Variants in SORCS3 observed in about 807,000 individuals in gnomAD.
SORCS3 encodes sortilin related VPS10 domain containing receptor 3.
A neutral mutation model predicts 146.3 loss-of-function variants in SORCS3; 57 were observed. The observed-to-expected ratio is 0.39, with a 90% CI of 0.31 to 0.49. SORCS3 has a LOEUF of 0.49. Ranked by LOEUF, SORCS3 falls within the 20% of genes least tolerant of loss-of-function variation. The pLI is 0.92. For synonymous variants in SORCS3, 653 were observed against 618.5 expected (o/e 1.06, Z -0.83); for missense variants, 1,341 against 1,575.5 (o/e 0.85, Z 2.52).
intron 1 of SORCS3, among the ~76,000 whole-genome samples, chr10:104,690,902 A>G (rs2016103885): frequency 6.6e-6 from 1 of 152,306 alleles, no homozygotes; most frequent in Admixed American, 6.5e-5. Context: ...TTGGATACAG[A>G]TTTTACAAAG....
chr10:105,115,706 A>G (rs542948734), intron 7 of SORCS3, among the ~76,000 whole-genome samples: 110 of 152,334 alleles, frequency 7.2e-4, no homozygotes, highest in Non-Finnish European at 1.1e-3. Context: ...CATGGAAGGT[A>G]GACAAGCCTC....
chr10:105,092,605 A>C (rs1421896980), intron 6 of SORCS3, among the ~76,000 whole-genome samples: 1 of 120,764 alleles, frequency 8.3e-6, no homozygotes, highest in Non-Finnish European at 1.8e-5. Context: ...TTGTGCATTC[A>C]CAAACACACA....
intron 7 of SORCS3, among the ~76,000 whole-genome samples, chr10:105,122,813 A>G (rs1330667141): frequency 6.6e-6 from 1 of 152,200 alleles, no homozygotes; most frequent in Non-Finnish European, 1.5e-5. Flanking sequence ...TTTTCATAGC[A>G]GCTAATTTAC....
intron 1 of SORCS3, among the ~76,000 whole-genome samples, chr10:104,807,354 T>C (rs545311237): frequency 6.6e-6 from 1 of 152,344 alleles, no homozygotes; most frequent in East Asian, 1.9e-4. Context: ...GAGGAATTCA[T>C]GAACACCCAG....
intron 2 of SORCS3, among the ~76,000 whole-genome samples, chr10:104,887,060 C>G (rs532540594): frequency 2.0e-4 from 31 of 152,170 alleles, no homozygotes; most frequent in Non-Finnish European, 3.7e-4. Context: ...GAAAATAATT[C>G]ATTGTAGAGT....
At chr10:104,658,527 G>C (rs1202958615) in intron 1 of SORCS3, among the ~76,000 whole-genome samples, 1 of 152,200 alleles carries the variant, frequency 6.6e-6, no homozygotes, top group Non-Finnish European at 1.5e-5. Context: ...GTTTGTATTT[G>C]TATTTTTAGT....
At chr10:105,103,819 C>T (rs1004527325) in intron 6 of SORCS3, among the ~76,000 whole-genome samples, 1 of 152,180 alleles carries the variant, frequency 6.6e-6, no homozygotes, top group Admixed American at 6.5e-5. Flanking sequence ...ATACATTTCC[C>T]ATTAAAATAT....
At chr10:104,880,659 G>A (rs551638324) in intron 2 of SORCS3, among the ~76,000 whole-genome samples, 17 of 152,206 alleles carry the variant, frequency 1.1e-4, no homozygotes, top group African/African-American at 3.4e-4. Flanking sequence ...GCCCTCCCCC[G>A]TCTGCTGGAG....
intron 1 of SORCS3, among the ~76,000 whole-genome samples, chr10:104,826,815 G>A (rs2017940449): frequency 6.6e-6 from 1 of 152,190 alleles, no homozygotes; most frequent in Non-Finnish European, 1.5e-5. Flanking sequence ...TTTACCCACA[G>A]TAAACTTCTT....
At chr10:104,951,225 A>G (rs1049618291) in intron 3 of SORCS3, among the ~76,000 whole-genome samples, 1 of 152,194 alleles carries the variant, frequency 6.6e-6, no homozygotes, top group African/African-American at 2.4e-5. Context: ...TTTCTTCTCT[A>G]TTAGACTGTA....
intron 14 of SORCS3, among the ~76,000 whole-genome samples, chr10:105,191,839 T>C (rs2056518896): frequency 6.6e-6 from 1 of 152,198 alleles, no homozygotes; most frequent in African/African-American, 2.4e-5. Context: ...GTTCAGGCAG[T>C]AATGCTCGCT....
chr10:104,930,633 T>A (rs1035134706), intron 3 of SORCS3, among the ~76,000 whole-genome samples: 1 of 152,210 alleles, frequency 6.6e-6, no homozygotes, highest in African/African-American at 2.4e-5. Context: ...TAGTGTTCAA[T>A]AATTCATAAG....
intron 7 of SORCS3, among the ~76,000 whole-genome samples, chr10:105,112,802 C>T (rs1247026575): frequency 6.6e-6 from 1 of 152,152 alleles, no homozygotes; most frequent in East Asian, 1.9e-4. Flanking sequence ...ACTATTTAAG[C>T]AGTTAAATAA....
At chr10:105,120,148 A>G (rs1399735744) in intron 7 of SORCS3, among the ~76,000 whole-genome samples, 1 of 152,116 alleles carries the variant, frequency 6.6e-6, no homozygotes, top group East Asian at 1.9e-4. Context: ...GTGAGTTCTC[A>G]CAAGATCTGA....
chr10:104,952,202 C>T (rs1206631959), intron 3 of SORCS3, among the ~76,000 whole-genome samples: 2 of 126,004 alleles, frequency 1.6e-5, no homozygotes, highest in African/African-American at 5.7e-5. Flanking sequence ...TTGTCGGACC[C>T]AAATCTGTGG....
At chr10:104,986,728 G>A (rs2054964212) in intron 4 of SORCS3, among the ~76,000 whole-genome samples, 1 of 152,180 alleles carries the variant, frequency 6.6e-6, no homozygotes, top group African/African-American at 2.4e-5. Flanking sequence ...GACAGGGAGA[G>A]AGATAGGAGA....
chr10:104,979,672 A>G (rs1377193500), intron 4 of SORCS3, among the ~76,000 whole-genome samples: 2 of 152,152 alleles, frequency 1.3e-5, no homozygotes, highest in Non-Finnish European at 2.9e-5. Context: ...GGTGGGTGCC[A>G]GGTGCTTAAT....
At chr10:105,242,255 C>T (rs2056828071) in intron 20 of SORCS3, among the ~76,000 whole-genome samples, 1 of 137,168 alleles carries the variant, frequency 7.3e-6, no homozygotes, top group Admixed American at 7.9e-5. Context: ...TATATTTATA[C>T]ATATATTTAT....
At chr10:104,734,979 T>A (rs1214223783) in intron 1 of SORCS3, among the ~76,000 whole-genome samples, 1 of 152,244 alleles carries the variant, frequency 6.6e-6, no homozygotes, top group Non-Finnish European at 1.5e-5. Flanking sequence ...TATCTCTTTT[T>A]TTAAAAAACC....
Sources: gnomAD v4.1 joint callset for allele counts (sites outside exome capture counted in the v4.1 genomes callset) on GRCh38, gnomAD v4.1.1 for gene constraint, MANE v1.5 for transcripts, NCBI Gene and HGNC (gene_info 2026-07-23, HGNC 2026-07-21) for gene names.